The following LETM1 variants were observed in gnomAD, a reference collection of about 807,000 sequenced individuals.
The protein encoded by LETM1 is leucine zipper and EF-hand containing transmembrane protein 1.
Under a neutral mutation model 74.5 loss-of-function variants are expected in LETM1, and 50 were observed. That is an observed-to-expected ratio of 0.67 (90% CI 0.53 to 0.85). LETM1 has a LOEUF of 0.85. LETM1 is among the 40% of genes least tolerant of loss of function. LETM1 has a pLI of 0.00. For missense variants in LETM1, 824 were observed against 967.8 expected (o/e 0.85, Z 1.97); for synonymous variants, 446 against 407.1 (o/e 1.10, Z -1.15).
chr4:1,834,423 C>T lies in LETM1; in HGVS notation c.876+422G>A. On this transcript the variant is annotated intron_variant, in intron 5 of 13. Coordinates refer to ENST00000302787, the MANE Select transcript of LETM1 (RefSeq NM_012318.3). The surrounding 1 kb of genome is among the most constrained non-coding windows in gnomAD (Gnocchi z 5.0). The stretch of plus-strand genomic sequence containing the variant: ...GGCCGCTCCTCCTCTCCAGCCCCCA[C>T]TGCTCCCACAGTCCAGGCCTCTGAC... 1.0e-6 allele frequency: 1 copy of T among 998,808 alleles called. No individual in the cohort carries two copies. Among genetic ancestry groups the T allele is most frequent in the Non-Finnish European group, 1.2e-6 (1 of 838,724 alleles). 61.9% of individuals were successfully genotyped at this position (998,808 alleles called of 1,614,324 possible).
intron 12 of LETM1, among the ~76,000 whole-genome samples, 183 bp from the exon 13 acceptor site, chr4:1,815,985 G>A (rs934159090): frequency 6.6e-6 from 1 of 152,242 alleles, no homozygotes; most frequent in Non-Finnish European, 1.5e-5. Context: ...GAGCTCCCAG[G>A]GCCAGCGTGG....
rs969442642 is a variant in LETM1, at chr4:1,836,029, C to T, written c.738+400G>A. On this transcript the variant is annotated intron_variant, in intron 4 of 13. Coordinates refer to ENST00000302787, the MANE Select transcript of LETM1 (RefSeq NM_012318.3). The surrounding 1 kb of genome is among the most constrained non-coding windows in gnomAD (Gnocchi z 5.8). Reference sequence around the variant, plus strand: ...ACTTGAGGCTGCAGTGAGCCGTGATCGCACCACTGCACTCCAGCCTGGGTG... The same window carrying T: ...ACTTGAGGCTGCAGTGAGCCGTGATTGCACCACTGCACTCCAGCCTGGGTG... 2.0e-5 allele frequency among the ~76,000 whole-genome samples: 3 copies of T among 152,168 alleles called. No homozygotes were observed. Among genetic ancestry groups the T allele is most frequent in the South Asian group, 2.1e-4 (1 of 4,816 alleles).
At chr4:1,849,498 C>T (rs561160593) in intron 1 of LETM1, among the ~76,000 whole-genome samples, 3 of 152,264 alleles carry the variant, frequency 2.0e-5, no homozygotes, top group East Asian at 1.9e-4. Flanking sequence ...AAACTGCCGA[C>T]CTCAGGTGAT....
At position 1,829,956 on chromosome 4, in the gene LETM1, T is replaced by A. The variant is rs561360157; in HGVS notation, c.1080+2788A>T. The stretch of plus-strand genomic sequence containing the variant: ...TTCATTAGTTTGACTCTGACGTGAC[T>A]TGCTGTGAATTTATTTGGATTTATC... On this transcript the variant is annotated intron_variant, in intron 6 of 13. Transcript: ENST00000302787. Among the ~76,000 whole-genome samples the A allele has an allele frequency of 2.6e-5, 4 of 152,372 alleles. No individual in the cohort carries two copies. The South Asian group carries it at 6.2e-4, about 24-fold the overall frequency.
intron 7 of LETM1, among the ~76,000 whole-genome samples, chr4:1,825,089 C>A (rs1398420022): frequency 6.6e-6 from 1 of 152,210 alleles, no homozygotes; most frequent in Non-Finnish European, 1.5e-5. Context: ...CACTTTCCGA[C>A]CTACAAGCCA....
At position 1,812,367 on chromosome 4, in the gene LETM1, A is replaced by G. The variant is rs1328704167; in HGVS notation, c.*2057T>C. On this transcript the variant is annotated 3_prime_UTR_variant, in exon 14 of 14. Coordinates refer to ENST00000302787, the MANE Select transcript of LETM1 (RefSeq NM_012318.3). ...GTGACAGAGCGAGACTCTGTATCAA[A>G]AAAAAAAAAAAAAAAAAAAAAAAGT... The G allele has an allele frequency of 3.5e-5, 5 of 142,560 alleles. No individual in the cohort carries two copies. Among genetic ancestry groups the G allele is most frequent in the Admixed American group, 1.4e-4 (2 of 14,470 alleles). 8.8% of individuals were successfully genotyped at this position (142,560 alleles called of 1,614,324 possible).
rs546720583 is a variant in LETM1, at chr4:1,849,080, C to G, written c.143+69G>C. On this transcript the variant is annotated intron_variant, in intron 2 of 13. Coordinates refer to ENST00000302787, the MANE Select transcript of LETM1 (RefSeq NM_012318.3). Reference sequence around the variant, plus strand: ...TTTCCCTCAAAAATCAAGAGTCACTCGTGACTCTCCACCATTTTCAAACCC... The same window carrying G: ...TTTCCCTCAAAAATCAAGAGTCACTGGTGACTCTCCACCATTTTCAAACCC... 1.4e-5 allele frequency: 15 copies of G among 1,040,108 alleles called. No homozygotes were observed. In the East Asian group the frequency reaches 3.1e-4, roughly 21 times the overall value. 64.4% of individuals were successfully genotyped at this position (1,040,108 alleles called of 1,614,324 possible).
chr4:1,855,256 G>C (rs1418082279), intron 1 of LETM1, among the ~76,000 whole-genome samples: 1 of 152,216 alleles, frequency 6.6e-6, no homozygotes, highest in East Asian at 1.9e-4. Flanking sequence ...GAGAGAGGAG[G>C]TGGGCACACC....
At chr4:1,840,697 A>AAAT (rs1553853000) in intron 3 of LETM1, among the ~76,000 whole-genome samples, 1 of 151,072 alleles carries the variant, frequency 6.6e-6, no homozygotes, top group Non-Finnish European at 1.5e-5. Context: ...ATAAATATAA[A>AAAT]AATAATAATA....
chr4:1,840,147 G>A (rs1207568142), intron 3 of LETM1, among the ~76,000 whole-genome samples: 1 of 152,220 alleles, frequency 6.6e-6, no homozygotes, highest in Non-Finnish European at 1.5e-5. Flanking sequence ...CGAGGCCAAG[G>A]CAGGTGGATC....
At position 1,825,639 on chromosome 4, in the gene LETM1, C is replaced by T; in HGVS notation, c.1125G>A (p.Leu375=). The T allele has an allele frequency of 6.2e-7, 1 of 1,614,054 alleles. No individual in the cohort carries two copies. ...TGCCTCGTGCCCGACACGCTGCCTG[C>T]AGCTCCTTGACATTCAGGCTGTCCA... ...EGVDSLNVKE[L]QAACRARGMR... The change falls in exon 7 of 14, where the codon CTG becomes CTA. Residue 375 remains leucine, a synonymous_variant. Coordinates refer to ENST00000302787, the MANE Select transcript of LETM1 (RefSeq NM_012318.3).
chr4:1,814,725 A>C, intron 13 of LETM1, 152 bp from the exon 14 acceptor site: 1 of 662,910 alleles, frequency 1.5e-6, no homozygotes. Context: ...CAGAGCACCA[A>C]TTCCCCCAAG....
intron 6 of LETM1, among the ~76,000 whole-genome samples, chr4:1,826,360 T>C (rs937461342): frequency 2.0e-5 from 3 of 152,170 alleles, no homozygotes; most frequent in Admixed American, 1.3e-4. Context: ...AAAACCAAAC[T>C]TGACGTAACT....
intron 1 of LETM1, among the ~76,000 whole-genome samples, chr4:1,850,785 T>G (rs927734811): frequency 6.7e-6 from 1 of 149,760 alleles, no homozygotes; most frequent in Admixed American, 6.6e-5. Flanking sequence ...GCCCACATGG[T>G]GAAACCCCAT....
intron 6 of LETM1, among the ~76,000 whole-genome samples, chr4:1,829,290 G>C (rs1331292003): frequency 1.4e-4 from 20 of 144,112 alleles, no homozygotes; most frequent in Non-Finnish European, 2.9e-4. Flanking sequence ...CCCAGTAGGG[G>C]CGGCCGGGCA....
intron 2 of LETM1, among the ~76,000 whole-genome samples, chr4:1,844,202 A>T (rs1015027833): frequency 6.6e-6 from 1 of 152,178 alleles, no homozygotes; most frequent in Non-Finnish European, 1.5e-5. Flanking sequence ...GGTCCTCACC[A>T]CAGTAACATC....
At position 1,816,660 on chromosome 4, in the gene LETM1, C is replaced by A. The variant is rs1021215336; in HGVS notation, c.1931+67G>T. On this transcript the variant is annotated intron_variant, in intron 12 of 13. Coordinates refer to ENST00000302787, the MANE Select transcript of LETM1 (RefSeq NM_012318.3). ...GGAGCCAGAAGGGCCCAGCTCGGAT[C>A]CAGCAAAGGGACCAGCCTCCCTATG... 5 of 1,494,922 alleles carry A rather than the reference C, an allele frequency of 3.3e-6. No homozygotes were observed. The African/African-American group carries it at 6.9e-5, about 21-fold the overall frequency. 92.6% of individuals were successfully genotyped at this position (1,494,922 alleles called of 1,614,324 possible).
chr4:1,848,172 G>A (rs1036101255), intron 2 of LETM1, among the ~76,000 whole-genome samples: 5 of 152,174 alleles, frequency 3.3e-5, no homozygotes, highest in Non-Finnish European at 7.3e-5. Context: ...GGGAGGCTAA[G>A]GCAGGCAGAT....
chr4:1,828,793 G>A (rs1465798555), intron 6 of LETM1, among the ~76,000 whole-genome samples: 5 of 142,592 alleles, frequency 3.5e-5, no homozygotes, highest in Non-Finnish European at 7.7e-5. Flanking sequence ...CGGACGGGGC[G>A]GCTGGCCGGG....
Sources: allele counts gnomAD v4.1 joint callset (sites outside exome capture counted in the v4.1 genomes callset), GRCh38; gene constraint gnomAD v4.1.1; non-coding constraint Gnocchi (gnomAD v3.1); transcripts MANE v1.5; gene names NCBI Gene and HGNC (gene_info 2026-07-23, HGNC 2026-07-21).